Variants in PPP1R16B observed in about 807,000 individuals in gnomAD.
PPP1R16B encodes protein phosphatase 1 regulatory subunit 16B, also known as protein phosphatase 1 regulatory inhibitor subunit 16B.
In PPP1R16B, 14 loss-of-function variants were observed where a neutral mutation model predicts 61.7. The observed-to-expected ratio is 0.23, with a 90% CI of 0.15 to 0.35. PPP1R16B has a LOEUF of 0.35. PPP1R16B is among the 10% of genes least tolerant of loss of function. The pLI, the probability that PPP1R16B is intolerant of heterozygous loss-of-function variation, is 1.00. For missense variants in PPP1R16B, 547 were observed against 752.5 expected (o/e 0.73, Z 3.19); for synonymous variants, 266 against 305.3 (o/e 0.87, Z 1.34).
At chr20:38,842,864 C>G (rs2084917132) in intron 2 of PPP1R16B, among the ~76,000 whole-genome samples, 1 of 151,072 alleles carries the variant, frequency 6.6e-6, no homozygotes, top group African/African-American at 2.4e-5. Flanking sequence ...GTTACAGAAA[C>G]TTTTAGAAGT....
chr20:38,849,662 A>T (rs1399408149), intron 2 of PPP1R16B, among the ~76,000 whole-genome samples: 3 of 72,802 alleles, frequency 4.1e-5, no homozygotes, highest in Non-Finnish European at 7.5e-5. Context: ...ATCCTGATTT[A>T]AAAACAACAA....
At chr20:38,917,142 A>G (rs561970798) in intron 10 of PPP1R16B, among the ~76,000 whole-genome samples, 2 of 152,202 alleles carry the variant, frequency 1.3e-5, no homozygotes, top group South Asian at 4.2e-4. Flanking sequence ...ACAAAAATAC[A>G]AAAATTTGCT....
At chr20:38,883,662 C>T (rs1485460744) in intron 2 of PPP1R16B, among the ~76,000 whole-genome samples, 2 of 152,208 alleles carry the variant, frequency 1.3e-5, no homozygotes, top group Non-Finnish European at 2.9e-5. Flanking sequence ...GCTCAGAGCT[C>T]CCTGGAGGGA....
At chr20:38,873,632 C>T (rs771156778) in intron 2 of PPP1R16B, among the ~76,000 whole-genome samples, 1 of 152,176 alleles carries the variant, frequency 6.6e-6, no homozygotes, top group Non-Finnish European at 1.5e-5. Context: ...GGAGGCCTCA[C>T]TCCCTCACTG....
rs111991092 is a variant in PPP1R16B, at chr20:38,918,354, C to T, written c.1392C>T (p.Asp464=). Residue 464 remains aspartate, a synonymous_variant, in exon 11 of 11, where the codon GAC becomes GAT. Transcript: ENST00000299824. This position sits in a 1 kb window ranked among gnomAD's most constrained non-coding sequence, Gnocchi z 5.3. ...CCTATGGCAACCCTGGCGTGGCCGA[C>T]GCCACCCCGCCCTGGAGCAGCTACA... ...SMAYGNPGVA[D]ATPPWSSYKE... 312 of 1,614,106 alleles carry T rather than the reference C, an allele frequency of 1.9e-4. 2 individuals are homozygous for T. The East Asian group carries it at 4.1e-3, about 21-fold the overall frequency.
intron 2 of PPP1R16B, among the ~76,000 whole-genome samples, chr20:38,843,956 G>C (rs182142066): frequency 1.3e-5 from 2 of 152,270 alleles, no homozygotes; most frequent in African/African-American, 4.8e-5. Context: ...TATTTTAATT[G>C]CTTTTTCAGA....
rs371138532 is a variant in PPP1R16B, at chr20:38,855,907, CATATATATATATATAT to C, written c.250+19754_250+19769del. ...TGGTCCAGGAAGAGACAGTTTCCTACATATATATATATATATATATATATATATATATATATAGAGA... is the reference window on the plus strand; with the variant it reads ...TGGTCCAGGAAGAGACAGTTTCCTACATATATATATATATATATATAGAGA... On this transcript the variant is annotated intron_variant, in intron 2 of 10. Coordinates refer to ENST00000299824, the MANE Select transcript of PPP1R16B (RefSeq NM_015568.4). Among the ~76,000 whole-genome samples, 17 of 17,782 alleles carry C rather than the reference CATATATATATATATAT, an allele frequency of 9.6e-4. 1 individual carries two copies. Among genetic ancestry groups the C allele is most frequent in the South Asian group, 3.2e-3 (1 of 316 alleles). The allele number at this position is 17,782 out of a possible 152,430, so 11.7% of individuals were successfully genotyped here.
At chr20:38,812,339 G>A (rs907782814) in intron 1 of PPP1R16B, among the ~76,000 whole-genome samples, 1 of 152,222 alleles carries the variant, frequency 6.6e-6, no homozygotes, top group African/African-American at 2.4e-5. Context: ...ACAGCTGCTT[G>A]TCAGCTTCCT....
intron 2 of PPP1R16B, among the ~76,000 whole-genome samples, chr20:38,855,929 T>TAG (rs2085002525): frequency 4.6e-4 from 25 of 54,648 alleles, no homozygotes; most frequent in South Asian, 1.3e-3. Flanking sequence ...TATATATATA[T>TAG]ATATATATAT....
At chr20:38,819,743 A>T (rs777014660) in intron 1 of PPP1R16B, among the ~76,000 whole-genome samples, 1 of 152,148 alleles carries the variant, frequency 6.6e-6, no homozygotes, top group Non-Finnish European at 1.5e-5. Context: ...TTCCAGACCA[A>T]TTAAACTAGA....
At chr20:38,902,613 C>A (rs1198235603) in intron 5 of PPP1R16B, 55 bp from the exon 6 acceptor site, 10 of 1,610,136 alleles carry the variant, frequency 6.2e-6, no homozygotes, top group Non-Finnish European at 8.5e-6. Context: ...CTTCCCCTGC[C>A]CTCTGGGGTC....
chr20:38,882,459 C>T (rs1003008253), intron 2 of PPP1R16B, among the ~76,000 whole-genome samples: 4 of 152,188 alleles, frequency 2.6e-5, no homozygotes, highest in African/African-American at 9.7e-5. Flanking sequence ...CAGCTCACTG[C>T]AGCCTCGAAC....
chr20:38,917,753 C>G (rs941609068), intron 10 of PPP1R16B, among the ~76,000 whole-genome samples: 2 of 152,162 alleles, frequency 1.3e-5, no homozygotes, highest in African/African-American at 4.8e-5. Flanking sequence ...TGCAAGCAGA[C>G]CCTTCAACAT....
At chr20:38,880,402 C>T (rs1292819867) in intron 2 of PPP1R16B, among the ~76,000 whole-genome samples, 1 of 152,184 alleles carries the variant, frequency 6.6e-6, no homozygotes, top group Non-Finnish European at 1.5e-5. Flanking sequence ...TGTGGTGGCT[C>T]ACGCTTGTAA....
At chr20:38,868,427 C>G (rs1318219565) in intron 2 of PPP1R16B, among the ~76,000 whole-genome samples, 2 of 151,934 alleles carry the variant, frequency 1.3e-5, no homozygotes, top group Non-Finnish European at 2.9e-5. Flanking sequence ...CTCTGTCACC[C>G]AGGCTGGAGT....
At chr20:38,831,586 G>A (rs963134812) in intron 1 of PPP1R16B, among the ~76,000 whole-genome samples, 2 of 152,198 alleles carry the variant, frequency 1.3e-5, no homozygotes, top group East Asian at 3.9e-4. Context: ...GTAATGGGGA[G>A]CATTGGGGAC....
rs564737046 is a variant in PPP1R16B, at chr20:38,921,599, G to T, written c.*2933G>T. On this transcript the variant is annotated 3_prime_UTR_variant, in exon 11 of 11. Coordinates refer to ENST00000299824, the MANE Select transcript of PPP1R16B (RefSeq NM_015568.4). ...ATAACATTTGCCACCAAGTATAGAT[G>T]CTGGATCTTGGGTTCCAGGCAGACA... 2 of 152,316 alleles carry T rather than the reference G, an allele frequency of 1.3e-5. No homozygotes were observed. The highest frequency in any genetic ancestry group is 2.9e-5 in the Non-Finnish European group (2 of 68,038). 9.4% of individuals were successfully genotyped at this position (152,316 alleles called of 1,614,324 possible). A position where few individuals can be genotyped will look rare whatever the true frequency, so the allele number is the denominator to read the frequency against.
chr20:38,879,836 C>T (rs983422084), intron 2 of PPP1R16B, among the ~76,000 whole-genome samples: 2 of 152,160 alleles, frequency 1.3e-5, no homozygotes, highest in African/African-American at 2.4e-5. Context: ...TTTATAGCTA[C>T]GTGTCTGGGG....
intron 2 of PPP1R16B, among the ~76,000 whole-genome samples, chr20:38,859,081 CGACCCCGACTTCAGTGGAAGGGACCAA>C (rs985237415): frequency 6.6e-6 from 1 of 152,134 alleles, no homozygotes; most frequent in Non-Finnish European, 1.5e-5. Context: ...GCTACCAAGC[CGACCCCGACTTCAGTGGAAGGGACCAA>C]GACCCCACCT....
Sources: allele counts gnomAD v4.1 joint callset (sites outside exome capture counted in the v4.1 genomes callset), GRCh38; gene constraint gnomAD v4.1.1; non-coding constraint Gnocchi (gnomAD v3.1); transcripts MANE v1.5; gene names NCBI Gene and HGNC (gene_info 2026-07-23, HGNC 2026-07-21).